Variants in AP3B2 observed in about 807,000 individuals in gnomAD.
The protein encoded by AP3B2 is adaptor related protein complex 3 subunit beta 2, also known as AP-3 complex subunit beta-2.
Under a neutral mutation model 126.9 loss-of-function variants are expected in AP3B2, and 50 were observed. The ratio of observed to expected loss-of-function variants is 0.39; its 90% CI spans 0.31 to 0.50. AP3B2 has a LOEUF of 0.50. Ranked by LOEUF, AP3B2 falls within the 20% of genes least tolerant of loss-of-function variation. The pLI, the probability that AP3B2 is intolerant of heterozygous loss-of-function variation, is 0.79. For synonymous variants in AP3B2, 541 were observed against 565.0 expected, an observed-to-expected ratio of 0.96 and a Z score of 0.60; for missense variants, 1,177 against 1,426.4, an observed-to-expected ratio of 0.83 and a Z score of 2.82.
intron 25 of AP3B2, 54 bp from the exon 26 acceptor site, chr15:82,660,037 C>G (rs1184281385): frequency 3.2e-6 from 5 of 1,582,874 alleles, no homozygotes; most frequent in African/African-American, 1.3e-5. Context: ...CAGAGGCCAG[C>G]ACCTGGGTCT....
At chr15:82,677,145 C>G (rs980686760) in intron 13 of AP3B2, 129 bp downstream of exon 13, 19 of 792,170 alleles carry the variant, frequency 2.4e-5, no homozygotes, top group Admixed American at 6.5e-5. Flanking sequence ...TCCAGTGTCT[C>G]TGCTCCTTCC....
At chr15:82,678,252 C>G (rs917518130) in intron 10 of AP3B2, 85 bp from the exon 11 acceptor site, 2 of 1,294,690 alleles carry the variant, frequency 1.5e-6, no homozygotes, top group Non-Finnish European at 2.2e-6. Flanking sequence ...CTTCATAGAC[C>G]AGAAAACAAT....
chr15:82,671,142 G>C (rs1567260636), intron 14 of AP3B2, among the ~76,000 whole-genome samples: 1 of 152,088 alleles, frequency 6.6e-6, no homozygotes, highest in Non-Finnish European at 1.5e-5. Context: ...AATTAACGGG[G>C]CGTGGTGACG....
intron 1 of AP3B2, among the ~76,000 whole-genome samples, chr15:82,701,638 T>C (rs1442395386): frequency 6.6e-6 from 1 of 152,216 alleles, no homozygotes; most frequent in Non-Finnish European, 1.5e-5. Context: ...CAACTTAACA[T>C]GGTTCAACCA....
intron 14 of AP3B2, among the ~76,000 whole-genome samples, chr15:82,672,317 T>C (rs575332699): frequency 1.3e-5 from 2 of 152,224 alleles, no homozygotes; most frequent in African/African-American, 4.8e-5. Flanking sequence ...ACAACATGGA[T>C]AGAACTAGAG....
At chr15:82,682,253 G>A (rs1397885652) in intron 4 of AP3B2, among the ~76,000 whole-genome samples, 1 of 151,726 alleles carries the variant, frequency 6.6e-6, no homozygotes, top group Non-Finnish European at 1.5e-5. Context: ...AGGTTTCGCC[G>A]TGTTGGCCAG....
chr15:82,699,776 C>T (rs569305336), intron 1 of AP3B2: 8 of 399,264 alleles, frequency 2.0e-5, no homozygotes, highest in East Asian at 1.4e-4. Flanking sequence ...GGCCCACCTT[C>T]GGGAGCCAGC....
At chr15:82,670,850 GA>G (rs563670168) in intron 14 of AP3B2, among the ~76,000 whole-genome samples, 3 of 150,684 alleles carry the variant, frequency 2.0e-5, no homozygotes, top group Admixed American at 6.6e-5. Flanking sequence ...AACTCAATAG[GA>G]AAAAAAAATT....
In AP3B2 at chr15:82,663,988, G is replaced by C; in HGVS notation, c.2262-13C>G. The C allele has an allele frequency of 6.3e-7, 1 of 1,599,142 alleles. No individual in the cohort carries two copies. Among genetic ancestry groups the C allele is most frequent in the South Asian group, 1.1e-5 (1 of 90,548 alleles). On this transcript the variant is annotated splice_polypyrimidine_tract_variant and intron_variant, in intron 19 of 26. Transcript: ENST00000535359. ...CTCACTCTGTTCACTGAAGGAGTGG[G>C]AAAGGTTGGCTCAGGCCTGGCCTGG...
chr15:82,663,043 AC>A, intron 22 of AP3B2, 83 bp downstream of exon 22: 4 of 1,483,680 alleles, frequency 2.7e-6, no homozygotes, highest in Non-Finnish European at 3.7e-6. Context: ...CATCACACCC[AC>A]CCCCCACACA....
In AP3B2 at chr15:82,681,235, T is replaced by G; in HGVS notation, c.522-57A>C. On this transcript the variant is annotated intron_variant, in intron 5 of 26. Transcript: ENST00000535359. This position sits in a 1 kb window ranked among gnomAD's most constrained non-coding sequence, Gnocchi z 4.0. ...ACTCTCAGCCCCAGCCTTCCCAATA[T>G]CTGTCCAAGCCATGCTCACCTCCTG... The G allele has an allele frequency of 1.3e-6, 2 of 1,569,568 alleles. No individual in the cohort carries two copies. Among genetic ancestry groups the G allele is most frequent in the Non-Finnish European group, 1.7e-6 (2 of 1,155,156 alleles).
chr15:82,686,120 T>TAAA (rs1261157449), intron 4 of AP3B2: 2 of 152,230 alleles, frequency 1.3e-5, no homozygotes, highest in African/African-American at 4.8e-5. Context: ...AGGAGGGACA[T>TAAA]AATTAAGATT....
chr15:82,687,575 T>G (rs2048450792), intron 4 of AP3B2: 1 of 152,238 alleles, frequency 6.6e-6, no homozygotes, highest in African/African-American at 2.4e-5. Flanking sequence ...TAGCACAATG[T>G]GTGGCATAGA....
At chr15:82,698,101 C>T (rs2048658108) in intron 1 of AP3B2, 1 of 152,392 alleles carries the variant, frequency 6.6e-6, no homozygotes, top group Admixed American at 6.6e-5. Flanking sequence ...CCACATATAC[C>T]TCAGACACTC....
intron 10 of AP3B2, among the ~76,000 whole-genome samples, chr15:82,679,372 T>C (rs1386076214): frequency 6.6e-6 from 1 of 152,142 alleles, no homozygotes; most frequent in Non-Finnish European, 1.5e-5. Flanking sequence ...GATCTGCCTG[T>C]CTCGGCCTCC....
chr15:82,662,271 G>A lies in AP3B2; in HGVS notation c.2834-19C>T, dbSNP rs749777039. 1.3e-5 allele frequency: 20 copies of A among 1,570,108 alleles called. No homozygotes were observed. Among genetic ancestry groups the A allele is most frequent in the Non-Finnish European group, 1.0e-5 (12 of 1,153,644 alleles). ...AGGGACTCTGAAGTGGTATAAGGCA[G>A]TGAAGGGGAGAGGGAGGGCCACCAT... On this transcript the variant is annotated intron_variant, in intron 23 of 26. Coordinates refer to ENST00000535359, the MANE Select transcript of AP3B2 (RefSeq NM_001278512.2).
At chr15:82,709,490 G>A in intron 1 of AP3B2, 104 bp downstream of exon 1, 2 of 765,468 alleles carry the variant, frequency 2.6e-6, no homozygotes, top group Non-Finnish European at 3.3e-6. Context: ...CGGCGCGGCC[G>A]GGGCGGGGCC....
In AP3B2 at chr15:82,684,682, CTT is replaced by C. The variant is rs1352883060; in HGVS notation, c.361-3104_361-3103del. Among the ~76,000 whole-genome samples the C allele has an allele frequency of 2.0e-5, 3 of 152,138 alleles. No homozygotes were observed. The East Asian group carries it at 5.8e-4, about 29-fold the overall frequency. On this transcript the variant is annotated intron_variant, in intron 4 of 26. Transcript: ENST00000535359. ...GGTGCGTACCACCACATCAGGCTAA[CTT>C]AAAAAAATTTTTTATAGAGACGGTC...
Position 82,659,405 on chromosome 15 carries a change from G to T in AP3B2, c.*155C>A. The T allele has an allele frequency of 1.1e-6, 1 of 916,516 alleles. No individual in the cohort carries two copies. Among genetic ancestry groups the T allele is most frequent in the Non-Finnish European group, 1.6e-6 (1 of 607,492 alleles). 56.8% of individuals were successfully genotyped at this position (916,516 alleles called of 1,614,324 possible). A position where few individuals can be genotyped will look rare whatever the true frequency, so the allele number is the denominator to read the frequency against. On this transcript the variant is annotated 3_prime_UTR_variant, in exon 27 of 27. Coordinates refer to ENST00000535359, the MANE Select transcript of AP3B2 (RefSeq NM_001278512.2). ...AGGAATCCATGGGGAGGGCATTAGG[G>T]GAGGGCTTGGTCCTCCAGAGGGAGA...
Sources: allele counts gnomAD v4.1 joint callset (sites outside exome capture counted in the v4.1 genomes callset), GRCh38; gene constraint gnomAD v4.1.1; non-coding constraint Gnocchi (gnomAD v3.1); transcripts MANE v1.5; gene names NCBI Gene and HGNC (gene_info 2026-07-23, HGNC 2026-07-21).